The following UBE2E3 variants were observed in gnomAD, a reference collection of about 807,000 sequenced individuals.
UBE2E3 encodes ubiquitin-conjugating enzyme E2 E3.
A neutral mutation model predicts 23.6 loss-of-function variants in UBE2E3; 5 were observed. That is an observed-to-expected ratio of 0.21 (90% CI 0.11 to 0.44). UBE2E3 has a LOEUF of 0.44. UBE2E3 is among the 20% of genes least tolerant of loss of function. The probability of loss-of-function intolerance (pLI) is 0.99; values close to 1 mark genes in which losing one functional copy is unlikely to be tolerated. For synonymous variants in UBE2E3, 78 were observed against 87.5 expected (o/e 0.89, Z 0.60); for missense variants, 81 against 249.8 (o/e 0.32, Z 4.55).
chr2:181,014,312 T>C (rs1343422750), intron 3 of UBE2E3, among the ~76,000 whole-genome samples: 1 of 152,188 alleles, frequency 6.6e-6, no homozygotes, highest in South Asian at 2.1e-4. Flanking sequence ...GTGTTGCTAG[T>C]TGGCTACATT....
intron 3 of UBE2E3, among the ~76,000 whole-genome samples, chr2:181,000,329 A>G (rs1214891641): frequency 6.6e-6 from 1 of 152,226 alleles, no homozygotes; most frequent in Non-Finnish European, 1.5e-5. Context: ...TAAACATAAG[A>G]TGGATGAAAA....
At chr2:181,000,850 C>T (rs1012753483) in intron 3 of UBE2E3, among the ~76,000 whole-genome samples, 8 of 152,126 alleles carry the variant, frequency 5.3e-5, no homozygotes, top group South Asian at 2.1e-4. Context: ...TAAGCAAAAT[C>T]GTAAAGGCAT....
At chr2:180,988,639 A>G (rs1162280022) in intron 3 of UBE2E3, among the ~76,000 whole-genome samples, 1 of 152,152 alleles carries the variant, frequency 6.6e-6, no homozygotes, top group Admixed American at 6.6e-5. Flanking sequence ...ACCTAACCCC[A>G]TAGCATTCTT....
intron 3 of UBE2E3, among the ~76,000 whole-genome samples, chr2:181,026,205 G>C (rs1163452861): frequency 2.0e-5 from 3 of 151,852 alleles, no homozygotes; most frequent in African/African-American, 7.2e-5. Flanking sequence ...TGAAAATAAT[G>C]ATTGAAGCTA....
chr2:181,051,129 A>T (rs1686834283), intron 3 of UBE2E3, among the ~76,000 whole-genome samples: 1 of 151,840 alleles, frequency 6.6e-6, no homozygotes, highest in African/African-American at 2.4e-5. Context: ...CGGTGTATGT[A>T]TGCATTCATA....
chr2:180,981,402 G>C (rs1470645549), intron 1 of UBE2E3: 3 of 152,224 alleles, frequency 2.0e-5, no homozygotes, highest in Non-Finnish European at 4.4e-5. Flanking sequence ...TTTGAATTCT[G>C]CTTTTCCCAG....
chr2:181,046,356 C>T (rs1686673068), intron 3 of UBE2E3, among the ~76,000 whole-genome samples: 1 of 152,134 alleles, frequency 6.6e-6, no homozygotes, highest in African/African-American at 2.4e-5. Flanking sequence ...CATTTCCATA[C>T]CTGCCCTCGT....
At chr2:181,031,185 ACATATGTCCAG>A (rs1686066869) in intron 3 of UBE2E3, among the ~76,000 whole-genome samples, 1 of 152,234 alleles carries the variant, frequency 6.6e-6, no homozygotes, top group East Asian at 1.9e-4. Flanking sequence ...TAGATTTTAT[ACATATGTCCAG>A]TGTGCTTGAG....
At position 180,997,740 on chromosome 2, in the gene UBE2E3, A is replaced by G. The variant is rs144575577; in HGVS notation, c.245+13647A>G. ...TGTTGTAGCAAAAGTATTGTTTCCTATTACCTGAGTAAAAGTTGGGTTTTC... is the reference window on the plus strand; with the variant it reads ...TGTTGTAGCAAAAGTATTGTTTCCTGTTACCTGAGTAAAAGTTGGGTTTTC... On this transcript the variant is annotated intron_variant, in intron 3 of 5. Coordinates refer to ENST00000410062, the MANE Select transcript of UBE2E3 (RefSeq NM_006357.4). Among the ~76,000 whole-genome samples the G allele has an allele frequency of 3.8e-3, 573 of 152,146 alleles. 2 individuals carry two copies. Among genetic ancestry groups the G allele is most frequent in the Non-Finnish European group, 6.2e-3 (420 of 67,968 alleles).
At chr2:181,029,728 GCTT>G (rs1180644597) in intron 3 of UBE2E3, among the ~76,000 whole-genome samples, 6 of 142,844 alleles carry the variant, frequency 4.2e-5, no homozygotes, top group Non-Finnish European at 7.6e-5. Flanking sequence ...TCATAATTGA[GCTT>G]CTTTTCTTGT....
intron 3 of UBE2E3, among the ~76,000 whole-genome samples, chr2:181,036,858 A>T (rs925411455): frequency 8.5e-5 from 13 of 152,194 alleles, no homozygotes; most frequent in African/African-American, 3.1e-4. Context: ...TGACATAGGA[A>T]CTTAAATCTT....
chr2:181,015,636 A>G (rs1477041851), intron 3 of UBE2E3, among the ~76,000 whole-genome samples: 11 of 152,154 alleles, frequency 7.2e-5, no homozygotes. Flanking sequence ...TTTTATAATA[A>G]CAGATAAGGA....
chr2:181,024,360 A>G (rs964120684), intron 3 of UBE2E3, among the ~76,000 whole-genome samples: 1 of 152,108 alleles, frequency 6.6e-6, no homozygotes, highest in African/African-American at 2.4e-5. Flanking sequence ...TTATCCACTC[A>G]CCTTGTACAA....
chr2:181,046,417 G>T lies in UBE2E3; in HGVS notation c.246-11276G>T, dbSNP rs567725585. On this transcript the variant is annotated intron_variant, in intron 3 of 5. Coordinates refer to ENST00000410062, the MANE Select transcript of UBE2E3 (RefSeq NM_006357.4). The stretch of plus-strand genomic sequence containing the variant: ...AAAAACTAATGGACAAACAGGTGCT[G>T]TTAGAGTCTGTGTTTAGTTTAAGCC... Among the ~76,000 whole-genome samples the T allele has an allele frequency of 2.6e-5, 4 of 152,240 alleles. No homozygotes were observed. In the South Asian group the frequency reaches 8.3e-4, roughly 32 times the overall value.
chr2:181,043,898 G>A (rs1008551304), intron 3 of UBE2E3, among the ~76,000 whole-genome samples: 5 of 152,068 alleles, frequency 3.3e-5, no homozygotes, highest in Admixed American at 6.6e-5. Flanking sequence ...ATTGAAAACC[G>A]TAAGTGATTT....
chr2:181,050,285 G>T (rs1220447102), intron 3 of UBE2E3, among the ~76,000 whole-genome samples: 3 of 151,746 alleles, frequency 2.0e-5, no homozygotes, highest in South Asian at 2.1e-4. Flanking sequence ...ATACCTTGTG[G>T]GTTTTCTTCA....
At chr2:181,062,731 G>T in intron 5 of UBE2E3, 60 bp from the exon 6 acceptor site, 2 of 964,350 alleles carry the variant, frequency 2.1e-6, no homozygotes, top group South Asian at 1.6e-5. Context: ...TAGAATATTA[G>T]AACTATACCT....
chr2:180,988,793 A>T (rs1352114585), intron 3 of UBE2E3, among the ~76,000 whole-genome samples: 1 of 152,122 alleles, frequency 6.6e-6, no homozygotes, highest in African/African-American at 2.4e-5. Context: ...TCTCTCACAC[A>T]TGTAGATAGA....
intron 3 of UBE2E3, among the ~76,000 whole-genome samples, chr2:181,049,783 GA>G (rs1355513416): frequency 6.6e-6 from 1 of 151,928 alleles, no homozygotes; most frequent in Non-Finnish European, 1.5e-5. Context: ...ATTCTTCAAT[GA>G]AGATGGTTTT....
Sources: gnomAD v4.1 joint callset for allele counts (sites outside exome capture counted in the v4.1 genomes callset) on GRCh38, gnomAD v4.1.1 for gene constraint, MANE v1.5 for transcripts, NCBI Gene and HGNC (gene_info 2026-07-23, HGNC 2026-07-21) for gene names.